The following DLG2 variants were observed in gnomAD, a reference collection of about 807,000 sequenced individuals.
DLG2 encodes disks large homolog 2.
A neutral mutation model predicts 132.5 loss-of-function variants in DLG2; 45 were observed. The observed-to-expected ratio is 0.34, with a 90% CI of 0.27 to 0.44. The LOEUF is 0.44. Ranked by LOEUF, DLG2 falls within the 20% of genes least tolerant of loss-of-function variation. The probability of loss-of-function intolerance (pLI) is 1.00; values close to 1 mark genes in which losing one functional copy is unlikely to be tolerated. For synonymous variants in DLG2, 424 were observed against 419.6 expected, an observed-to-expected ratio of 1.01 and a Z score of -0.13; for missense variants, 1,045 against 1,196.9, an observed-to-expected ratio of 0.87 and a Z score of 1.87.
chr11:85,229,173 G>C (rs2075148466), intron 4 of DLG2, among the ~76,000 whole-genome samples: 2 of 123,888 alleles, frequency 1.6e-5, no homozygotes, highest in South Asian at 2.6e-4. Context: ...ATATCCTATA[G>C]ATCAACAACA....
intron 4 of DLG2, among the ~76,000 whole-genome samples, chr11:85,251,405 A>G (rs2076388860): frequency 6.6e-6 from 1 of 152,220 alleles, no homozygotes; most frequent in Non-Finnish European, 1.5e-5. Flanking sequence ...AAATGAAAAT[A>G]AACTCTATCA....
At chr11:84,216,511 T>C (rs998060205) in intron 8 of DLG2, among the ~76,000 whole-genome samples, 3 of 152,172 alleles carry the variant, frequency 2.0e-5, no homozygotes, top group African/African-American at 7.2e-5. Context: ...CAGGATATTG[T>C]AAAATGGACA....
rs1008117337 is a variant in DLG2 at position 84,976,306 on chromosome 11, A to G, written c.357+135355T>C. On this transcript the variant is annotated intron_variant, in intron 6 of 27. Coordinates refer to ENST00000376104, the MANE Select transcript of DLG2 (RefSeq NM_001142699.3). The stretch of plus-strand genomic sequence containing the variant: ...CAAAGAGATAGTAAAGTTATTTAAT[A>G]CCAATTGAACTAATTAAACAGTTGC... Among the ~76,000 whole-genome samples, 7 of 152,268 alleles carry G rather than the reference A, an allele frequency of 4.6e-5. No homozygotes were observed. The South Asian group carries it at 8.3e-4, about 18-fold the overall frequency.
At chr11:84,243,125 G>A (rs1359140751) in intron 8 of DLG2, among the ~76,000 whole-genome samples, 3 of 150,800 alleles carry the variant, frequency 2.0e-5, no homozygotes, top group Admixed American at 1.3e-4. Context: ...TTCTTATTAT[G>A]TATTGCCTAC....
chr11:83,739,688 C>T (rs1422422197), intron 18 of DLG2, among the ~76,000 whole-genome samples: 2 of 152,112 alleles, frequency 1.3e-5, no homozygotes, highest in Non-Finnish European at 2.9e-5. Flanking sequence ...TTCCCCCATT[C>T]CTCCCTCTAA....
At chr11:84,810,400 T>A (rs2153970975) in intron 6 of DLG2, among the ~76,000 whole-genome samples, 1 of 152,264 alleles carries the variant, frequency 6.6e-6, no homozygotes, top group African/African-American at 2.4e-5. Flanking sequence ...ACAGCCACAG[T>A]AATTAGACAC....
intron 6 of DLG2, among the ~76,000 whole-genome samples, chr11:84,660,403 A>T (rs920770867): frequency 1.3e-5 from 2 of 152,180 alleles, no homozygotes; most frequent in Non-Finnish European, 2.9e-5. Context: ...TTGCTCTGGC[A>T]AAACATGTGC....
chr11:83,887,126 C>T (rs1466694905), intron 15 of DLG2, among the ~76,000 whole-genome samples: 1 of 152,012 alleles, frequency 6.6e-6, no homozygotes, highest in African/African-American at 2.4e-5. Context: ...AATAGAGACA[C>T]AAAAAACCCT....
intron 7 of DLG2, among the ~76,000 whole-genome samples, chr11:84,253,329 C>T (rs935493718): frequency 6.6e-6 from 1 of 152,166 alleles, no homozygotes; most frequent in Non-Finnish European, 1.5e-5. Context: ...TCCACTAACC[C>T]TCTCTGATTA....
chr11:83,967,153 G>A (rs753115573), intron 12 of DLG2, among the ~76,000 whole-genome samples: 5 of 152,022 alleles, frequency 3.3e-5, no homozygotes, highest in African/African-American at 7.2e-5. Flanking sequence ...CATGAAGGTC[G>A]TTGCCATATC....
Position 85,583,130 on chromosome 11 carries a change from GTATATATATATATATA to G in DLG2, c.40+15511_40+15526del, listed in dbSNP as rs3068386. 4.8e-3 allele frequency among the ~76,000 whole-genome samples: 65 copies of G among 13,606 alleles called. 1 individual carries two copies. The highest frequency in any genetic ancestry group is 0.012 in the African/African-American group (59 of 4,942). 8.9% of individuals were successfully genotyped at this position (13,606 alleles called of 152,430 possible). The stretch of plus-strand genomic sequence containing the variant: ...TGTGTGTGTGTGTGTGTGTGTGTGT[GTATATATATATATATA>G]TATATATATATATATATATATATGT... On this transcript the variant is annotated intron_variant, in intron 3 of 27. Transcript: ENST00000376104.
At chr11:85,261,026 G>C (rs1408460234) in intron 4 of DLG2, among the ~76,000 whole-genome samples, 1 of 152,172 alleles carries the variant, frequency 6.6e-6, no homozygotes, top group Admixed American at 6.5e-5. Flanking sequence ...TGTCATGGGT[G>C]CATCTGGCTG....
At chr11:83,502,469 T>C (rs1427429621) in intron 21 of DLG2, among the ~76,000 whole-genome samples, 1 of 151,916 alleles carries the variant, frequency 6.6e-6, no homozygotes, top group African/African-American at 2.4e-5. Flanking sequence ...AAATATAATC[T>C]CTATTTTTTT....
intron 5 of DLG2, among the ~76,000 whole-genome samples, chr11:85,124,117 T>G (rs2074771682): frequency 6.6e-6 from 1 of 152,212 alleles, no homozygotes; most frequent in African/African-American, 2.4e-5. Flanking sequence ...CAGCTGCTAT[T>G]TATTGGCTAT....
chr11:84,305,989 G>C (rs903169161), intron 7 of DLG2, among the ~76,000 whole-genome samples: 1 of 152,130 alleles, frequency 6.6e-6, no homozygotes, highest in African/African-American at 2.4e-5. Context: ...AATTTGGTGA[G>C]ATCCCTGTAT....
chr11:84,071,918 T>G (rs965648778), intron 10 of DLG2, among the ~76,000 whole-genome samples: 4 of 152,210 alleles, frequency 2.6e-5, no homozygotes, highest in African/African-American at 9.6e-5. Flanking sequence ...GCCTCATTCG[T>G]GACCCTTCAG....
intron 9 of DLG2, among the ~76,000 whole-genome samples, chr11:84,145,645 A>G (rs2154244743): frequency 6.6e-6 from 1 of 152,278 alleles, no homozygotes; most frequent in South Asian, 2.1e-4. Flanking sequence ...AAGAAAATAT[A>G]TTGGTCAGTT....
At chr11:85,346,188 C>CTT in intron 3 of DLG2, among the ~76,000 whole-genome samples, 1 of 145,024 alleles carries the variant, frequency 6.9e-6, no homozygotes, top group East Asian at 2.0e-4. Flanking sequence ...AATTTTCTTT[C>CTT]TTTTTTTTTT....
chr11:84,847,938 C>G (rs1316609447), intron 6 of DLG2, among the ~76,000 whole-genome samples: 1 of 151,954 alleles, frequency 6.6e-6, no homozygotes, highest in Non-Finnish European at 1.5e-5. Context: ...GGGACAGAGG[C>G]CATCAAAGAA....
Sources: allele counts gnomAD v4.1 joint callset (sites outside exome capture counted in the v4.1 genomes callset), GRCh38; gene constraint gnomAD v4.1.1; transcripts MANE v1.5; gene names NCBI Gene and HGNC (gene_info 2026-07-23, HGNC 2026-07-21).